ATAD3A: variants seen among roughly 807,000 people sequenced by gnomAD.
The protein encoded by ATAD3A is ATPase family AAA domain containing 3A.
Under a neutral mutation model 73.8 loss-of-function variants are expected in ATAD3A, and 46 were observed. That is an observed-to-expected ratio of 0.62 (90% CI 0.49 to 0.80). ATAD3A has a LOEUF of 0.80. Ranked by LOEUF, ATAD3A falls within the 30% of genes least tolerant of loss-of-function variation. ATAD3A has a pLI of 0.00. For missense variants in ATAD3A, 705 were observed against 838.0 expected (o/e 0.84, Z 1.96); for synonymous variants, 319 against 350.0 (o/e 0.91, Z 0.99).
intron 5 of ATAD3A, 121 bp downstream of exon 5, chr1:1,519,111 G>A: frequency 6.4e-7 from 1 of 1,568,396 alleles, no homozygotes; most frequent in Non-Finnish European, 8.7e-7. Context: ...AGTGGGCGAG[G>A]CCTGCTGGGG....
At position 1,533,789 on chromosome 1, in the gene ATAD3A, G is replaced by A. The variant is rs1028839389; in HGVS notation, c.1615-137G>A. The A allele has an allele frequency of 4.8e-6, 6 of 1,262,508 alleles. No individual in the cohort carries two copies. In the African/African-American group the frequency reaches 9.7e-5, roughly 20 times the overall value. 78.2% of individuals were successfully genotyped at this position (1,262,508 alleles called of 1,614,324 possible). A position where few individuals can be genotyped will look rare whatever the true frequency, so the allele number is the denominator to read the frequency against. On this transcript the variant is annotated intron_variant, in intron 15 of 15. Transcript: ENST00000378756. ...CACACACGTGCTGGGCTCTGCCGAG[G>A]TGCGGGAAGCCTGTGTTTCACGCTC...
At chr1:1,516,973 A>G (rs911586298) in intron 2 of ATAD3A, 8 of 1,099,146 alleles carry the variant, frequency 7.3e-6, no homozygotes, top group Non-Finnish European at 7.6e-6. Flanking sequence ...TGGCCTCCCA[A>G]AGTGCTGGGA....
rs1215288691 is a variant in ATAD3A, at chr1:1,534,189, G to A, written c.*117G>A. 7.7e-6 allele frequency: 12 copies of A among 1,561,202 alleles called. No individual in the cohort carries two copies. The highest frequency in any genetic ancestry group is 1.8e-5 in the Admixed American group (1 of 55,256). ...GGGTGGGGACTGGGCTGTGCCCAGG[G>A]CCTCTGTCCCCCAGGATGTCTTGTG... On this transcript the variant is annotated 3_prime_UTR_variant, in exon 16 of 16. Coordinates refer to ENST00000378756, the MANE Select transcript of ATAD3A (RefSeq NM_001170535.3).
chr1:1,515,286 A>G (rs1641320411), intron 1 of ATAD3A, among the ~76,000 whole-genome samples: 1 of 152,094 alleles, frequency 6.6e-6, no homozygotes, highest in African/African-American at 2.4e-5. Context: ...CACATTGGTC[A>G]GGCCGGTCTC....
chr1:1,516,742 G>A (rs1052670011), intron 2 of ATAD3A, among the ~76,000 whole-genome samples: 4 of 151,774 alleles, frequency 2.6e-5, no homozygotes, highest in Non-Finnish European at 5.9e-5. Flanking sequence ...TTTATAGACA[G>A]AGTCTTAGTC....
intron 7 of ATAD3A, among the ~76,000 whole-genome samples, chr1:1,521,410 C>A (rs542995989): frequency 8.7e-5 from 13 of 148,698 alleles, no homozygotes; most frequent in Non-Finnish European, 1.3e-4. Context: ...TTCACAGATT[C>A]TTCTCTCGTT....
Position 1,534,454 on chromosome 1 carries a change from C to G in ATAD3A, c.*382C>G. ...GTGATGTCTTTGTTCTCGGCTCCCACAGCAGAGCCAGGTGAGGGGGCGCCT... is the reference window on the plus strand; with the variant it reads ...GTGATGTCTTTGTTCTCGGCTCCCAGAGCAGAGCCAGGTGAGGGGGCGCCT... On this transcript the variant is annotated 3_prime_UTR_variant, in exon 16 of 16. Transcript: ENST00000378756. The G allele has an allele frequency of 8.4e-7, 1 of 1,193,746 alleles. No homozygotes were observed. Among genetic ancestry groups the G allele is most frequent in the Non-Finnish European group, 1.1e-6 (1 of 936,216 alleles). The allele number at this position is 1,193,746 out of a possible 1,614,324, so 73.9% of individuals were successfully genotyped here.
chr1:1,516,053 C>G lies in ATAD3A; in HGVS notation c.247C>G (p.Gln83Glu), dbSNP rs757913461. The change falls in exon 2 of 16, where the codon CAG (glutamine) becomes GAG (glutamate). Residue 83 changes from glutamine (Q) to glutamate (E), a missense_variant. Gln to Glu is a conservative substitution (Grantham distance 29, BLOSUM62 2). Coordinates refer to ENST00000378756, the MANE Select transcript of ATAD3A (RefSeq NM_001170535.3). ...CCTGAATCTGGCACAGATGCAGGAG[C>G]AGACGCTGCAGTTGGAGCAACAGTC... ...DALNLAQMQE[Q>E]TLQLEQQSKL... is the part of the protein sequence containing the mutation. 2 of 1,613,918 alleles carry G rather than the reference C, an allele frequency of 1.2e-6. No homozygotes were observed. Among genetic ancestry groups the G allele is most frequent in the Non-Finnish European group, 1.7e-6 (2 of 1,179,932 alleles).
chr1:1,517,332 C>G lies in ATAD3A; in HGVS notation c.304C>G (p.Gln102Glu), dbSNP rs1378897019. 3.9e-6 allele frequency: 6 copies of G among 1,544,860 alleles called. No individual in the cohort carries two copies. The highest frequency in any genetic ancestry group is 5.2e-6 in the Non-Finnish European group (6 of 1,146,452). The change falls in exon 3 of 16, where the codon CAG becomes GAG. Residue 102 changes from glutamine to glutamate, a missense_variant. Gln to Glu is a conservative substitution (Grantham distance 29, BLOSUM62 2). Coordinates refer to ENST00000378756, the MANE Select transcript of ATAD3A (RefSeq NM_001170535.3). ...GCAGGAGTATGAGGCCGCCGTGGAGCAGCTCAAGAGCGAGCAGATCCGGGC... is the reference window on the plus strand; with the variant it reads ...GCAGGAGTATGAGGCCGCCGTGGAGGAGCTCAAGAGCGAGCAGATCCGGGC... ...KLKEYEAAVE[Q>E]LKSEQIRAQA...
At chr1:1,527,355 G>T (rs1227507497) in intron 13 of ATAD3A, 4 of 1,063,362 alleles carry the variant, frequency 3.8e-6, no homozygotes, top group African/African-American at 1.7e-5. Context: ...CCTGCTCCTG[G>T]CACGTGTGGG....
chr1:1,533,461 G>T (rs1448989619), intron 15 of ATAD3A, among the ~76,000 whole-genome samples: 2 of 151,870 alleles, frequency 1.3e-5, no homozygotes, highest in African/African-American at 4.9e-5. Flanking sequence ...GGAGGTGGGG[G>T]CAGAGGTGGC....
At chr1:1,522,113 C>T (rs1356604926) in intron 7 of ATAD3A, among the ~76,000 whole-genome samples, 2 of 152,230 alleles carry the variant, frequency 1.3e-5, no homozygotes, top group East Asian at 1.9e-4. Flanking sequence ...GGGTCCAGCT[C>T]ATTGCAACCT....
intron 5 of ATAD3A, among the ~76,000 whole-genome samples, 172 bp downstream of exon 5, chr1:1,519,162 T>TGCG (rs1226373887): frequency 2.6e-5 from 4 of 151,272 alleles, no homozygotes; most frequent in Admixed American, 1.3e-4. Flanking sequence ...CACCTCTGTC[T>TGCG]GCGAGTGGAC....
At chr1:1,528,472 C>T (rs1180165131) in intron 14 of ATAD3A, among the ~76,000 whole-genome samples, 7 of 152,174 alleles carry the variant, frequency 4.6e-5, no homozygotes, top group Non-Finnish European at 8.8e-5. Context: ...GGCCTGGCCT[C>T]CCTCCAGCTG....
chr1:1,527,193 C>A, intron 13 of ATAD3A: 2 of 1,302,818 alleles, frequency 1.5e-6, no homozygotes, highest in Non-Finnish European at 2.0e-6. Flanking sequence ...GGATCAAGTC[C>A]TGCTGGTCGG....
chr1:1,524,308 C>T lies in ATAD3A; in HGVS notation c.1125C>T (p.Ile375=). The change falls in exon 11 of 16, where the codon ATC becomes ATT. Residue 375 remains isoleucine (I), a synonymous_variant. Transcript: ENST00000378756. ...TGCACTCAGGCATGGACTACGCCAT[C>T]ATGACAGGCGGGGACGTGGCCCCCA... ...LALHSGMDYA[I]MTGGDVAPMG... The T allele has an allele frequency of 6.2e-7, 1 of 1,613,782 alleles. No individual in the cohort carries two copies. Among genetic ancestry groups the T allele is most frequent in the Non-Finnish European group, 8.5e-7 (1 of 1,179,824 alleles).
rs2100693629 is a variant in ATAD3A, at chr1:1,534,644, A to G, written c.*572A>G. The G allele has an allele frequency of 6.0e-6, 1 of 167,776 alleles. No individual in the cohort carries two copies. The highest frequency in any genetic ancestry group is 1.8e-4 in the South Asian group (1 of 5,506). 10.4% of individuals were successfully genotyped at this position (167,776 alleles called of 1,614,324 possible). A position where few individuals can be genotyped will look rare whatever the true frequency, so the allele number is the denominator to read the frequency against. On this transcript the variant is annotated 3_prime_UTR_variant, in exon 16 of 16. Coordinates refer to ENST00000378756, the MANE Select transcript of ATAD3A (RefSeq NM_001170535.3). Reference sequence around the variant, plus strand: ...CTGGCCGGTCCAAGCCTGTGGCTGGAGCTGGGGTCTGTTTACCTAATAAAG... The same window carrying G: ...CTGGCCGGTCCAAGCCTGTGGCTGGGGCTGGGGTCTGTTTACCTAATAAAG...
In ATAD3A at chr1:1,533,846, C is replaced by T. The variant is rs1339803354; in HGVS notation, c.1615-80C>T. On this transcript the variant is annotated intron_variant, in intron 15 of 15. Transcript: ENST00000378756. ...TCCTGGAGCCCCTGGTTTGGTCCCT[C>T]CCCACCTCGGGGCCCTGGCGTGCAT... The T allele has an allele frequency of 7.9e-6, 12 of 1,524,568 alleles. No individual in the cohort carries two copies. The South Asian group carries it at 1.0e-4, about 13-fold the overall frequency. The allele number at this position is 1,524,568 out of a possible 1,614,324, so 94.4% of individuals were successfully genotyped here. A position where few individuals can be genotyped will look rare whatever the true frequency, so the allele number is the denominator to read the frequency against.
Position 1,520,559 on chromosome 1 carries a change from C to T in ATAD3A, c.692C>T (p.Thr231Ile), listed in dbSNP as rs370511780. Residue 231 changes from threonine (T) to isoleucine (I), a missense_variant, in exon 7 of 16, where the codon ACC becomes ATC. Thr to Ile is a moderately conservative substitution (Grantham distance 89). Coordinates refer to ENST00000378756, the MANE Select transcript of ATAD3A (RefSeq NM_001170535.3). The surrounding 1 kb of genome is among the most constrained non-coding windows in gnomAD (Gnocchi z 4.0). The stretch of plus-strand genomic sequence containing the variant: ...TGCTTTCCCCGCAGGACGGCTGGCA[C>T]CTTGTTTGGGGAAGGATTCCGTGCC... ...TVLESIRTAG[T>I]LFGEGFRAFV... The T allele has an allele frequency of 1.9e-5, 30 of 1,613,884 alleles. No homozygotes were observed. The African/African-American group carries it at 3.3e-4, about 18-fold the overall frequency.
Sources: allele counts gnomAD v4.1 joint callset (sites outside exome capture counted in the v4.1 genomes callset), GRCh38; gene constraint gnomAD v4.1.1; non-coding constraint Gnocchi (gnomAD v3.1); transcripts MANE v1.5; gene names NCBI Gene and HGNC (gene_info 2026-07-23, HGNC 2026-07-21).